Variants in NLGN1 observed in about 807,000 individuals in gnomAD.
NLGN1 encodes the protein neuroligin-1.
A neutral mutation model predicts 65.5 loss-of-function variants in NLGN1; 12 were observed. The observed-to-expected ratio is 0.18, with a 90% CI of 0.12 to 0.30. The LOEUF is 0.30. NLGN1 is among the 10% of genes least tolerant of loss of function. The pLI, the probability that NLGN1 is intolerant of heterozygous loss-of-function variation, is 1.00. For missense variants in NLGN1, 750 were observed against 1,007.1 expected, an observed-to-expected ratio of 0.74 and a Z score of 3.46; for synonymous variants, 350 against 359.5, an observed-to-expected ratio of 0.97 and a Z score of 0.30.
chr3:173,820,500 C>G (rs987008359), intron 4 of NLGN1, among the ~76,000 whole-genome samples: 4 of 152,132 alleles, frequency 2.6e-5, no homozygotes, highest in Admixed American at 2.6e-4. Context: ...GGATATGTTT[C>G]AAAACGCTCA....
At chr3:173,668,280 G>C (rs1011055331) in intron 3 of NLGN1, among the ~76,000 whole-genome samples, 1 of 152,150 alleles carries the variant, frequency 6.6e-6, no homozygotes, top group East Asian at 1.9e-4. Flanking sequence ...GTTTAGTTGG[G>C]TTTTTAAGGC....
chr3:174,280,833 G>A lies in NLGN1; in HGVS notation c.2002G>A (p.Asp668Asn). 1 of 1,613,354 alleles carries A rather than the reference G, an allele frequency of 6.2e-7. No individual in the cohort carries two copies. Among genetic ancestry groups the A allele is most frequent in the Non-Finnish European group, 8.5e-7 (1 of 1,179,578 alleles). Residue 668 changes from aspartate to asparagine, a missense_variant, in exon 7 of 7, where the codon GAT (aspartate) becomes AAT (asparagine). Physicochemically the swap from Asp to Asn is conservative, Grantham distance 23. Coordinates refer to ENST00000457714, the Ensembl canonical transcript of NLGN1. The surrounding 1 kb of genome is among the most constrained non-coding windows in gnomAD (Gnocchi z 4.9). ...ACAACAACCAAGTCCATTTTCAGTG[G>A]ATCAAAGGGACTACTCAACAGAGCT...
At chr3:173,700,214 A>C (rs915761742) in intron 3 of NLGN1, among the ~76,000 whole-genome samples, 1 of 152,238 alleles carries the variant, frequency 6.6e-6, no homozygotes, top group Non-Finnish European at 1.5e-5. Context: ...ATGCGTTCAT[A>C]TTAATCACTA....
chr3:174,113,485 G>A (rs551387753), intron 4 of NLGN1, among the ~76,000 whole-genome samples: 29 of 152,154 alleles, frequency 1.9e-4, no homozygotes, highest in African/African-American at 7.0e-4. Context: ...GAACATGTCA[G>A]TAAAAACTGA....
At position 174,100,146 on chromosome 3, in the gene NLGN1, G is replaced by C. The variant is rs147725035; in HGVS notation, c.647-175169G>C. ...CCTTAAATATTTCAGAGTTTGACTC[G>C]AAACGAAAACTCAAAATGTAATCTT... On this transcript the variant is annotated intron_variant, in intron 4 of 6. Coordinates refer to ENST00000457714, the Ensembl canonical transcript of NLGN1. Among the ~76,000 whole-genome samples, 3 of 151,884 alleles carry C rather than the reference G, an allele frequency of 2.0e-5. 1 individual carries two copies. The highest frequency in any genetic ancestry group is 7.3e-5 in the African/African-American group (3 of 41,350).
At chr3:174,191,049 A>G (rs1732304899) in intron 4 of NLGN1, among the ~76,000 whole-genome samples, 1 of 151,828 alleles carries the variant, frequency 6.6e-6, no homozygotes, top group Middle Eastern at 3.2e-3. Context: ...CATGCACCCA[A>G]TGTATTAAAT....
intron 4 of NLGN1, among the ~76,000 whole-genome samples, chr3:173,809,532 A>G (rs1717429016): frequency 6.6e-6 from 1 of 152,194 alleles, no homozygotes; most frequent in South Asian, 2.1e-4. Context: ...CAGTGTTTTT[A>G]AGGACTTGAA....
intron 4 of NLGN1, among the ~76,000 whole-genome samples, chr3:174,274,893 A>G (rs1750240022): frequency 6.6e-6 from 1 of 151,850 alleles, no homozygotes; most frequent in African/African-American, 2.4e-5. Flanking sequence ...CCACACATAC[A>G]TACCTAACAT....
chr3:174,077,404 GT>G, intron 4 of NLGN1, among the ~76,000 whole-genome samples: 1 of 152,200 alleles, frequency 6.6e-6, no homozygotes, highest in East Asian at 1.9e-4. Flanking sequence ...TGAAACTTCT[GT>G]TGTTTAAAGG....
intron 4 of NLGN1, among the ~76,000 whole-genome samples, chr3:173,840,796 C>A (rs534129492): frequency 1.3e-5 from 2 of 152,196 alleles, no homozygotes; most frequent in African/African-American, 4.8e-5. Context: ...TATTATCTAC[C>A]ACTATTTTCT....
intron 4 of NLGN1, among the ~76,000 whole-genome samples, chr3:174,061,246 T>G (rs1737356371): frequency 1.3e-5 from 2 of 152,094 alleles, no homozygotes; most frequent in Admixed American, 1.3e-4. Context: ...CTGCAGAAGT[T>G]GAGGGATTCA....
chr3:174,221,876 T>C (rs1738729604), intron 4 of NLGN1, among the ~76,000 whole-genome samples: 1 of 152,156 alleles, frequency 6.6e-6, no homozygotes, highest in South Asian at 2.1e-4. Flanking sequence ...TGGACTTCTC[T>C]GTGTCTCTGT....
chr3:173,994,289 G>A (rs1721791380), intron 4 of NLGN1, among the ~76,000 whole-genome samples: 1 of 151,524 alleles, frequency 6.6e-6, no homozygotes, highest in Non-Finnish European at 1.5e-5. Flanking sequence ...GTATTTTGGG[G>A]GGTTTTGCCA....
intron 2 of NLGN1, among the ~76,000 whole-genome samples, chr3:173,539,644 A>G (rs1382378372): frequency 2.0e-5 from 2 of 98,746 alleles, no homozygotes; most frequent in Non-Finnish European, 2.2e-5. Context: ...ACATATATAC[A>G]TATATAACAT....
At chr3:173,487,939 C>G (rs995594604) in intron 2 of NLGN1, among the ~76,000 whole-genome samples, 1 of 151,846 alleles carries the variant, frequency 6.6e-6, no homozygotes. Context: ...ATTTTGGTTA[C>G]TGATCCATTT....
At chr3:173,775,782 G>T (rs1313419763) in intron 3 of NLGN1, among the ~76,000 whole-genome samples, 1 of 152,092 alleles carries the variant, frequency 6.6e-6, no homozygotes, top group Non-Finnish European at 1.5e-5. Flanking sequence ...AACACAACTA[G>T]AGTGACACTT....
At chr3:174,045,795 T>G (rs73880322) in intron 4 of NLGN1, among the ~76,000 whole-genome samples, 1 of 152,146 alleles carries the variant, frequency 6.6e-6, no homozygotes, top group African/African-American at 2.4e-5. Context: ...TAAATCTGCT[T>G]GCAAATGTAA....
intron 4 of NLGN1, among the ~76,000 whole-genome samples, chr3:174,055,874 A>AGGTGT (rs1735945868): frequency 6.6e-6 from 1 of 151,976 alleles, no homozygotes; most frequent in African/African-American, 2.4e-5. Flanking sequence ...TCTTAATGTC[A>AGGTGT]GGTGTGCCTA....
At chr3:173,415,106 G>A (rs746072976) in intron 1 of NLGN1, among the ~76,000 whole-genome samples, 19 of 152,180 alleles carry the variant, frequency 1.2e-4, no homozygotes, top group Admixed American at 5.2e-4. Context: ...TTTGAAAACC[G>A]CATTTGTTTT....
Sources: allele counts gnomAD v4.1 joint callset (sites outside exome capture counted in the v4.1 genomes callset), GRCh38; gene constraint gnomAD v4.1.1; non-coding constraint Gnocchi (gnomAD v3.1); transcripts MANE v1.5; gene names NCBI Gene and HGNC (gene_info 2026-07-23, HGNC 2026-07-21).